The following SYCP1 variants were observed in gnomAD, a reference collection of about 807,000 sequenced individuals.
SYCP1 encodes the protein synaptonemal complex protein 1.
In SYCP1, 64 loss-of-function variants were observed where a neutral mutation model predicts 153.1. The ratio of observed to expected loss-of-function variants is 0.42; its 90% confidence interval spans 0.34 to 0.51. The LOEUF (loss-of-function observed/expected upper bound fraction) is 0.51. SYCP1 is among the 20% of genes least tolerant of loss of function. SYCP1 has a pLI of 0.06. For missense variants in SYCP1, 997 were observed against 1,049.0 expected (o/e 0.95, Z 0.68); for synonymous variants, 384 against 341.8 (o/e 1.12, Z -1.36).
intron 8 of SYCP1, among the ~76,000 whole-genome samples, chr1:114,869,056 T>C (rs1407064786): frequency 6.6e-6 from 1 of 152,186 alleles, no homozygotes; most frequent in Non-Finnish European, 1.5e-5. Context: ...ACTCTAATTT[T>C]TATTACTTCT....
intron 20 of SYCP1, among the ~76,000 whole-genome samples, chr1:114,918,296 C>A (rs1668641859): frequency 6.6e-6 from 1 of 152,034 alleles, no homozygotes; most frequent in South Asian, 2.1e-4. Context: ...AATGAGTTCA[C>A]TGCAGATGAA....
At chr1:114,922,278 T>G (rs1391465309) in intron 20 of SYCP1, among the ~76,000 whole-genome samples, 5 of 152,184 alleles carry the variant, frequency 3.3e-5, no homozygotes. Context: ...TTTGCCCTTT[T>G]GAGGCTGTTT....
At chr1:114,976,945 T>TA (rs1425091736) in intron 27 of SYCP1, among the ~76,000 whole-genome samples, 2 of 151,770 alleles carry the variant, frequency 1.3e-5, no homozygotes, top group Admixed American at 1.3e-4. Context: ...CCTGGAGTTG[T>TA]AAAAATTTTG....
At chr1:114,989,758 A>G (rs574852606) in intron 30 of SYCP1, among the ~76,000 whole-genome samples, 9 of 152,120 alleles carry the variant, frequency 5.9e-5, no homozygotes, top group East Asian at 1.9e-4. Flanking sequence ...AGTGCAAGAA[A>G]CACAAAGGAC....
rs975407332 is a variant in SYCP1, at chr1:114,988,161, C to G, written c.2703+3293C>G. On this transcript the variant is annotated intron_variant, in intron 30 of 31. Transcript: ENST00000369522. ...TCTTGTAGCACACCATCAGCTGGGC[C>G]AATATATACATTGTAGGAATTCCAG... 2.0e-5 allele frequency among the ~76,000 whole-genome samples: 3 copies of G among 147,896 alleles called. No individual in the cohort carries two copies. In the East Asian group the frequency reaches 6.0e-4, roughly 30 times the overall value.
At chr1:114,914,928 C>CACAT (rs1280842708) in intron 20 of SYCP1, among the ~76,000 whole-genome samples, 2 of 152,046 alleles carry the variant, frequency 1.3e-5, no homozygotes, top group African/African-American at 4.8e-5. Context: ...TGCAGACACA[C>CACAT]ACATGCACAC....
chr1:114,868,319 T>G (rs1248929681), intron 8 of SYCP1, among the ~76,000 whole-genome samples: 1 of 152,060 alleles, frequency 6.6e-6, no homozygotes, highest in African/African-American at 2.4e-5. Context: ...TTAAAATTTC[T>G]TTTTAGAGAT....
intron 12 of SYCP1, among the ~76,000 whole-genome samples, chr1:114,879,990 C>A (rs1665807792): frequency 6.6e-6 from 1 of 152,136 alleles, no homozygotes; most frequent in African/African-American, 2.4e-5. Flanking sequence ...TTTTAAAAAT[C>A]TCATTTTTCA....
intron 4 of SYCP1, 78 bp from the exon 5 acceptor site, chr1:114,857,366 T>C: frequency 6.6e-7 from 1 of 1,519,896 alleles, no homozygotes; most frequent in Non-Finnish European, 9.0e-7. Flanking sequence ...ATTGCATTAC[T>C]AGTCTTCTGT....
At chr1:114,943,205 G>T (rs1406088603) in intron 23 of SYCP1, among the ~76,000 whole-genome samples, 9 of 151,894 alleles carry the variant, frequency 5.9e-5, no homozygotes, top group Non-Finnish European at 1.3e-4. Context: ...CTTTAAAGTT[G>T]AATATGTAAC....
chr1:114,943,922 GTA>G lies in SYCP1; in HGVS notation c.1927-415_1927-414del, dbSNP rs544468424. 1.0e-3 allele frequency among the ~76,000 whole-genome samples: 158 copies of G among 151,830 alleles called. 2 individuals carry two copies. Among genetic ancestry groups the G allele is most frequent in the African/African-American group, 3.7e-3 (153 of 41,512 alleles). On this transcript the variant is annotated intron_variant, in intron 23 of 31. Transcript: ENST00000369522. ...ACAACTCAGTAAATATTTATACAAA[GTA>G]TGTGAAAATAATATAAATGGAAGTT... is the stretch of plus-strand genomic sequence containing the variant.
chr1:114,950,706 T>C (rs985244783), intron 27 of SYCP1, among the ~76,000 whole-genome samples: 6 of 152,166 alleles, frequency 3.9e-5, no homozygotes, highest in Admixed American at 1.3e-4. Flanking sequence ...TCAGTATTTA[T>C]GAATGTACAT....
chr1:114,941,655 A>G (rs1252983370), intron 23 of SYCP1, among the ~76,000 whole-genome samples: 1 of 151,872 alleles, frequency 6.6e-6, no homozygotes. Flanking sequence ...AGGGTTTTGT[A>G]TTGTCCAAGA....
At chr1:114,867,036 C>A (rs755467729) in intron 8 of SYCP1, among the ~76,000 whole-genome samples, 1 of 151,754 alleles carries the variant, frequency 6.6e-6, no homozygotes, top group Non-Finnish European at 1.5e-5. Context: ...CTATTTGTTA[C>A]TCCTTTGTCA....
intron 27 of SYCP1, among the ~76,000 whole-genome samples, chr1:114,951,462 A>G (rs1177175171): frequency 6.6e-6 from 1 of 152,218 alleles, no homozygotes; most frequent in East Asian, 1.9e-4. Flanking sequence ...TAAGATAGAT[A>G]TTTCTTTACA....
At chr1:114,917,285 C>T (rs977716336) in intron 20 of SYCP1, among the ~76,000 whole-genome samples, 6 of 152,058 alleles carry the variant, frequency 3.9e-5, no homozygotes, top group African/African-American at 1.4e-4. Flanking sequence ...ACTTAATGAC[C>T]TCCAGTTCCA....
At chr1:114,939,001 G>A (rs1670214475) in intron 23 of SYCP1, among the ~76,000 whole-genome samples, 1 of 151,978 alleles carries the variant, frequency 6.6e-6, no homozygotes, top group South Asian at 2.1e-4. Context: ...CAATTTTGTG[G>A]TTCCCCAAAA....
chr1:114,870,077 G>T (rs2101404674), intron 8 of SYCP1, among the ~76,000 whole-genome samples: 1 of 152,206 alleles, frequency 6.6e-6, no homozygotes. Flanking sequence ...GCAATGATGT[G>T]ATCATAGTTC....
intron 27 of SYCP1, among the ~76,000 whole-genome samples, chr1:114,959,174 AG>A (rs1372527022): frequency 6.6e-6 from 1 of 152,126 alleles, no homozygotes; most frequent in African/African-American, 2.4e-5. Flanking sequence ...TTACCATAAA[AG>A]GGTGTTAGAT....
Sources: gnomAD v4.1 joint callset for allele counts (sites outside exome capture counted in the v4.1 genomes callset) on GRCh38, gnomAD v4.1.1 for gene constraint, MANE v1.5 for transcripts, NCBI Gene and HGNC (gene_info 2026-07-23, HGNC 2026-07-21) for gene names.